Variants in PRELID2 observed in about 807,000 individuals in gnomAD.
The protein encoded by PRELID2 is PRELI domain containing 2.
Under a neutral mutation model 28.4 loss-of-function variants are expected in PRELID2, and 25 were observed. That is an observed-to-expected ratio of 0.88 (90% CI 0.64 to 1.23). PRELID2 has a LOEUF of 1.23. Among genes scored for constraint, PRELID2 ranks in the 50% most tolerant of loss-of-function variants. The pLI, the probability that PRELID2 is intolerant of heterozygous loss-of-function variation, is 0.00. For synonymous variants in PRELID2, 76 were observed against 71.6 expected, an observed-to-expected ratio of 1.06 and a Z score of -0.31; for missense variants, 201 against 214.4, an observed-to-expected ratio of 0.94 and a Z score of 0.39.
At chr5:145,702,852 T>C (rs962666520) in intron 1 of PRELID2, among the ~76,000 whole-genome samples, 2 of 152,180 alleles carry the variant, frequency 1.3e-5, no homozygotes, top group Non-Finnish European at 2.9e-5. Context: ...AGATACCACT[T>C]CTATGTGGGC....
intron 1 of PRELID2, among the ~76,000 whole-genome samples, chr5:145,715,306 T>C (rs896770056): frequency 3.3e-5 from 5 of 152,102 alleles, no homozygotes; most frequent in Admixed American, 6.6e-5. Context: ...ATCAATGCAA[T>C]AGCAAATCTA....
the PRELID2 span, among the ~76,000 whole-genome samples, chr5:145,390,482 CATCAGAT>C: frequency 3.9e-5 from 6 of 152,216 alleles, no homozygotes; most frequent in African/African-American, 1.2e-4. Flanking sequence ...CTTATAAAAC[CATCAGAT>C]ATCATGAGAA....
chr5:145,812,239 T>C (rs1268876509), intron 4 of PRELID2, among the ~76,000 whole-genome samples: 1 of 152,010 alleles, frequency 6.6e-6, no homozygotes, highest in Non-Finnish European at 1.5e-5. Flanking sequence ...CTAGATGATG[T>C]TGACAGTCAT....
intron 5 of PRELID2, among the ~76,000 whole-genome samples, chr5:145,786,364 A>T (rs531615308): frequency 5.3e-4 from 81 of 152,318 alleles, no homozygotes; most frequent in African/African-American, 1.8e-3. Context: ...ATGTCACTTC[A>T]ATTAGTTTAT....
chr5:145,504,108 C>A (rs1460822743), intron 1 of PRELID2, among the ~76,000 whole-genome samples: 2 of 152,104 alleles, frequency 1.3e-5, no homozygotes, highest in East Asian at 3.9e-4. Flanking sequence ...CTTTAAAGTG[C>A]TAGACTATAA....
At chr5:145,765,356 T>C (rs1271536486) in intron 5 of PRELID2, among the ~76,000 whole-genome samples, 1 of 152,182 alleles carries the variant, frequency 6.6e-6, no homozygotes, top group Admixed American at 6.5e-5. Context: ...ACAAATATGC[T>C]AGATTCACTG....
the PRELID2 span, among the ~76,000 whole-genome samples, chr5:145,347,359 G>A: frequency 1.3e-5 from 2 of 152,152 alleles, no homozygotes; most frequent in African/African-American, 4.8e-5. Context: ...TGAGCCTCAA[G>A]GGGAATGCAT....
intron 1 of PRELID2, among the ~76,000 whole-genome samples, chr5:145,497,930 G>C (rs1209072268): frequency 6.6e-6 from 1 of 152,212 alleles, no homozygotes; most frequent in Non-Finnish European, 1.5e-5. Context: ...GTTTCTAAAA[G>C]TTTTGGCCCT....
the PRELID2 span, among the ~76,000 whole-genome samples, chr5:145,344,944 G>C: frequency 6.6e-6 from 1 of 152,012 alleles, no homozygotes; most frequent in African/African-American, 2.4e-5. Context: ...CCTGTGCTGT[G>C]CAATTCCAAA....
chr5:145,731,180 C>A (rs1756335689), intron 1 of PRELID2, among the ~76,000 whole-genome samples: 1 of 152,216 alleles, frequency 6.6e-6, no homozygotes, highest in Non-Finnish European at 1.5e-5. Context: ...CATATATTTG[C>A]ATTTCACAGG....
At chr5:145,355,546 A>T in the PRELID2 span, among the ~76,000 whole-genome samples, 1 of 152,240 alleles carries the variant, frequency 6.6e-6, no homozygotes, top group South Asian at 2.1e-4. Context: ...TTTACAGTTT[A>T]CTGTGTGAAG....
intron 1 of PRELID2, among the ~76,000 whole-genome samples, chr5:145,638,104 C>T (rs1033669254): frequency 2.0e-5 from 3 of 152,174 alleles, no homozygotes; most frequent in Non-Finnish European, 4.4e-5. Flanking sequence ...AGCCACCGCT[C>T]CCAGCCAACC....
chr5:145,817,214 A>ATATATATATAT (rs1561643832), intron 4 of PRELID2, among the ~76,000 whole-genome samples: 29 of 64,084 alleles, frequency 4.5e-4, no homozygotes, highest in African/African-American at 1.2e-3. Context: ...TAAATAAATA[A>ATATATATATAT]AAAAAAATAT....
At chr5:145,554,872 T>C (rs1364874241) in intron 1 of PRELID2, among the ~76,000 whole-genome samples, 1 of 152,224 alleles carries the variant, frequency 6.6e-6, no homozygotes, top group Non-Finnish European at 1.5e-5. Context: ...TATTCATTCA[T>C]GGGTCATCAT....
At chr5:145,494,926 C>T (rs1175846325) in intron 1 of PRELID2, among the ~76,000 whole-genome samples, 1 of 152,148 alleles carries the variant, frequency 6.6e-6, no homozygotes, top group African/African-American at 2.4e-5. Flanking sequence ...TGCTGCTGTT[C>T]CTCTCTGATA....
At chr5:145,459,684 T>C in the PRELID2 span, among the ~76,000 whole-genome samples, 1 of 152,230 alleles carries the variant, frequency 6.6e-6, no homozygotes, top group African/African-American at 2.4e-5. Context: ...TGTACAATGA[T>C]TGAAACAAAA....
chr5:145,699,496 C>A (rs1455706485), intron 1 of PRELID2, among the ~76,000 whole-genome samples: 1 of 152,058 alleles, frequency 6.6e-6, no homozygotes, highest in Non-Finnish European at 1.5e-5. Flanking sequence ...GAGGGTCATA[C>A]CTAGGCTGAC....
In PRELID2 at chr5:145,566,559, G is replaced by T. The variant is rs148930785; in HGVS notation, n.71-93244C>A. 6.6e-3 allele frequency among the ~76,000 whole-genome samples: 1,012 copies of T among 152,250 alleles called. 51 individuals carry two copies. Among genetic ancestry groups the T allele is most frequent in the Admixed American group, 0.06 (916 of 15,292 alleles). ...TAAAGGTAAAGAAAAAGTGAAAAAG[G>T]CCCCACATGGTGGTTCATGCCTGTA... On this transcript the variant is annotated intron_variant and non_coding_transcript_variant, in intron 1 of 2. Transcript: ENST00000510259.
downstream of PRELID2, among the ~76,000 whole-genome samples, chr5:145,752,094 C>A (rs1285543353): frequency 3.9e-5 from 6 of 152,088 alleles, no homozygotes; most frequent in Admixed American, 3.9e-4. Flanking sequence ...GCATGCAATA[C>A]CCCCCAGAAG....
Sources: gnomAD v4.1 joint callset for allele counts (sites outside exome capture counted in the v4.1 genomes callset) on GRCh38, gnomAD v4.1.1 for gene constraint, MANE v1.5 for transcripts, NCBI Gene and HGNC (gene_info 2026-07-23, HGNC 2026-07-21) for gene names.